The following COL22A1 variants were observed in gnomAD, a reference collection of about 807,000 sequenced individuals.
COL22A1 encodes the protein collagen alpha-1(XXII) chain.
In COL22A1, 221 loss-of-function variants were observed where a neutral mutation model predicts 248.9. That is an observed-to-expected ratio of 0.89 (90% CI 0.80 to 0.99). COL22A1 has a LOEUF of 0.99. COL22A1 is among the 50% of genes least tolerant of loss of function. The pLI is 0.00. For missense variants in COL22A1, 2,240 were observed against 2,179.0 expected, an observed-to-expected ratio of 1.03 and a Z score of -0.56; for synonymous variants, 891 against 793.4, an observed-to-expected ratio of 1.12 and a Z score of -2.07.
intron 44 of COL22A1, among the ~76,000 whole-genome samples, chr8:138,656,331 A>G (rs1564152058): frequency 6.6e-6 from 1 of 152,220 alleles, no homozygotes; most frequent in Non-Finnish European, 1.5e-5. Context: ...GGATATCCCA[A>G]AAGAGCAACA....
At chr8:138,707,254 AG>A (rs1828544252) in intron 30 of COL22A1, among the ~76,000 whole-genome samples, 1 of 152,240 alleles carries the variant, frequency 6.6e-6, no homozygotes, top group African/African-American at 2.4e-5. Flanking sequence ...TCCAATCAAT[AG>A]AAAAAGAAGG....
intron 22 of COL22A1, among the ~76,000 whole-genome samples, chr8:138,743,473 G>T (rs2131299615): frequency 6.6e-6 from 1 of 151,664 alleles, no homozygotes; most frequent in Non-Finnish European, 1.5e-5. Flanking sequence ...TGGTAATGAT[G>T]GTGATGGTGA....
At chr8:138,840,141 G>T (rs11775793) in intron 4 of COL22A1, among the ~76,000 whole-genome samples, 74,025 of 151,954 alleles carry the variant, frequency 0.49, 18,505 homozygotes, top group Middle Eastern at 0.6. Context: ...CCAGAATACA[G>T]AAGCTGTCCC....
intron 1 of COL22A1, among the ~76,000 whole-genome samples, chr8:138,889,891 G>A (rs1047293138): frequency 6.6e-6 from 1 of 152,156 alleles, no homozygotes; most frequent in Non-Finnish European, 1.5e-5. Context: ...CAAGTTTTTA[G>A]AGAAATCTTT....
intron 3 of COL22A1, among the ~76,000 whole-genome samples, chr8:138,872,082 G>A (rs1312613524): frequency 6.6e-6 from 1 of 152,196 alleles, no homozygotes; most frequent in Non-Finnish European, 1.5e-5. Flanking sequence ...TCATCAAAAT[G>A]CAGAGCTGGA....
intron 64 of COL22A1, 67 bp downstream of exon 64, chr8:138,591,357 C>T (rs948309225): frequency 1.1e-5 from 14 of 1,237,254 alleles, no homozygotes; most frequent in Admixed American, 5.2e-5. Context: ...TGTGGGGCCA[C>T]GGGCAGGGGT....
At chr8:138,793,845 G>C (rs1051908490) in intron 12 of COL22A1, among the ~76,000 whole-genome samples, 1 of 152,186 alleles carries the variant, frequency 6.6e-6, no homozygotes, top group Non-Finnish European at 1.5e-5. Context: ...GAGGCTTCCG[G>C]TCCCTGCCTG....
chr8:138,736,596 G>A (rs1177851721), intron 23 of COL22A1, among the ~76,000 whole-genome samples: 2 of 152,228 alleles, frequency 1.3e-5, no homozygotes, highest in East Asian at 1.9e-4. Context: ...ATGGGTGGGT[G>A]TCAGGATCCA....
chr8:138,903,203 C>T (rs1286348130), intron 1 of COL22A1, among the ~76,000 whole-genome samples: 1 of 152,136 alleles, frequency 6.6e-6, no homozygotes, highest in African/African-American at 2.4e-5. Flanking sequence ...TGTGCTGAGT[C>T]AGTGTCCCTT....
intron 19 of COL22A1, 47 bp downstream of exon 19, chr8:138,755,738 A>G (rs1191696156): frequency 3.8e-6 from 6 of 1,598,650 alleles, no homozygotes; most frequent in Non-Finnish European, 5.1e-6. Context: ...CCAACCACCC[A>G]ATCCCACCAG....
intron 3 of COL22A1, among the ~76,000 whole-genome samples, chr8:138,855,180 G>C (rs983894171): frequency 1.3e-5 from 2 of 152,240 alleles, no homozygotes; most frequent in Admixed American, 1.3e-4. Context: ...GCACACAGAA[G>C]CTGATGCCCA....
chr8:138,680,373 C>T (rs1366760716), intron 39 of COL22A1, among the ~76,000 whole-genome samples: 1 of 152,206 alleles, frequency 6.6e-6, no homozygotes, highest in Non-Finnish European at 1.5e-5. Flanking sequence ...GACAAAGCCA[C>T]TTGAGCCACT....
At chr8:138,613,764 T>G (rs1164712619) in intron 56 of COL22A1, 103 bp downstream of exon 56, 6 of 1,105,734 alleles carry the variant, frequency 5.4e-6, no homozygotes, top group Non-Finnish European at 8.4e-6. Context: ...ATTACAATTT[T>G]TTAACAATAT....
At chr8:138,622,559 A>G (rs2131950852) in intron 52 of COL22A1, among the ~76,000 whole-genome samples, 1 of 152,354 alleles carries the variant, frequency 6.6e-6, no homozygotes, top group South Asian at 2.1e-4. Context: ...CATGGAAAAG[A>G]AAGTTGTCTT....
chr8:138,704,889 A>G (rs1828284192), intron 30 of COL22A1, among the ~76,000 whole-genome samples: 1 of 152,234 alleles, frequency 6.6e-6, no homozygotes, highest in Non-Finnish European at 1.5e-5. Context: ...TTGAAAAAAG[A>G]TTAGACGAAT....
chr8:138,745,723 C>T (rs1323356489), intron 22 of COL22A1, among the ~76,000 whole-genome samples: 2 of 152,094 alleles, frequency 1.3e-5, no homozygotes, highest in Non-Finnish European at 2.9e-5. Context: ...GTGGATGATT[C>T]GGGCATGACA....
chr8:138,793,929 C>T (rs1299260885), intron 12 of COL22A1, among the ~76,000 whole-genome samples: 3 of 152,206 alleles, frequency 2.0e-5, no homozygotes, highest in African/African-American at 7.2e-5. Context: ...GGAAGGAGGT[C>T]ACAGAGCTGC....
chr8:138,780,475 T>G (rs1364600347), intron 13 of COL22A1, among the ~76,000 whole-genome samples: 1 of 152,160 alleles, frequency 6.6e-6, no homozygotes, highest in Non-Finnish European at 1.5e-5. Flanking sequence ...TGGAGGATGT[T>G]GCAGCTCAGA....
chr8:138,635,594 A>G (rs1307125225), intron 48 of COL22A1, among the ~76,000 whole-genome samples: 1 of 152,162 alleles, frequency 6.6e-6, no homozygotes, highest in Non-Finnish European at 1.5e-5. Flanking sequence ...AGTCTATTGC[A>G]TATTATAGAA....
Sources: allele counts gnomAD v4.1 joint callset (sites outside exome capture counted in the v4.1 genomes callset), GRCh38; gene constraint gnomAD v4.1.1; transcripts MANE v1.5; gene names NCBI Gene and HGNC (gene_info 2026-07-23, HGNC 2026-07-21).